Variants in PRDX3 observed in about 807,000 individuals in gnomAD.
PRDX3 encodes the protein peroxiredoxin 3, also known as thioredoxin-dependent peroxide reductase, mitochondrial.
In PRDX3, 20 loss-of-function variants were observed where a neutral mutation model predicts 30.4. That is an observed-to-expected ratio of 0.66 (90% CI 0.46 to 0.96). The LOEUF (loss-of-function observed/expected upper bound fraction) is 0.96. PRDX3 is among the 40% of genes least tolerant of loss of function. The pLI is 0.00. For synonymous variants in PRDX3, 124 were observed against 117.8 expected, an observed-to-expected ratio of 1.05 and a Z score of -0.34; for missense variants, 322 against 318.3, an observed-to-expected ratio of 1.01 and a Z score of -0.09.
At chr10:119,178,030 G>T (rs191580927) in intron 1 of PRDX3, among the ~76,000 whole-genome samples, 393 of 151,642 alleles carry the variant, frequency 2.6e-3, no homozygotes, top group African/African-American at 9.1e-3. Flanking sequence ...ACCATGCCCG[G>T]CTATTTTTTT....
intron 1 of PRDX3, 57 bp downstream of exon 1, chr10:119,178,698 G>A: frequency 6.5e-7 from 1 of 1,544,174 alleles, no homozygotes; most frequent in Non-Finnish European, 8.8e-7. Flanking sequence ...TGTCTGAGAA[G>A]CACGTTCCCG....
At chr10:119,170,314 T>C (rs1344784859) in intron 5 of PRDX3, 3 of 152,202 alleles carry the variant, frequency 2.0e-5, no homozygotes, top group African/African-American at 7.2e-5. Context: ...GAGGTGAAAC[T>C]GTTCCCAGAG....
At chr10:119,173,535 G>A (rs1847959509) in intron 4 of PRDX3, among the ~76,000 whole-genome samples, 1 of 152,006 alleles carries the variant, frequency 6.6e-6, no homozygotes, top group African/African-American at 2.4e-5. Flanking sequence ...CTTGAACCCA[G>A]GTGGCGGAGG....
chr10:119,168,666 G>A, intron 6 of PRDX3, 133 bp from the exon 7 acceptor site: 1 of 1,464,288 alleles, frequency 6.8e-7, no homozygotes, highest in Non-Finnish European at 9.0e-7. Context: ...ACATAAAGAT[G>A]AAAGTTTCAT....
chr10:119,176,882 G>T, intron 2 of PRDX3, 139 bp downstream of exon 2: 1 of 982,084 alleles, frequency 1.0e-6, no homozygotes, highest in Non-Finnish European at 1.5e-6. Context: ...ACTTGTCTGG[G>T]GTGGGACGGG....
chr10:119,174,260 C>G (rs951347088), intron 3 of PRDX3, among the ~76,000 whole-genome samples, 191 bp downstream of exon 3: 1 of 152,190 alleles, frequency 6.6e-6, no homozygotes, highest in African/African-American at 2.4e-5. Flanking sequence ...GCTGTCCTAC[C>G]CCACCCCCGA....
rs1300632261 is a variant in PRDX3 at position 119,173,801 on chromosome 10, T to C, written c.383A>G (p.Glu128Gly). Residue 128 changes from glutamate to glycine, a missense_variant, in exon 4 of 7, where the codon GAA (glutamate) becomes GGA (glycine). By Grantham distance (98) the Glu-to-Gly change is moderately conservative. Coordinates refer to ENST00000298510, the MANE Select transcript of PRDX3 (RefSeq NM_006793.5). ...GGAATCCACTGAGACTGCGACAACT[T>C]CACAGTTCACGTCGTGAAATTCGTT... Reference protein sequence around the residue: ...KANEFHDVNCEVVAVSVDSHF... With the variant: ...KANEFHDVNCGVVAVSVDSHF... 1 of 1,612,858 alleles carries C rather than the reference T, an allele frequency of 6.2e-7. No individual in the cohort carries two copies. The highest frequency in any genetic ancestry group is 1.7e-5 in the Admixed American group (1 of 59,990).
chr10:119,168,305 C>T lies in PRDX3; in HGVS notation c.*175G>A. On this transcript the variant is annotated 3_prime_UTR_variant, in exon 7 of 7. Coordinates refer to ENST00000298510, the MANE Select transcript of PRDX3 (RefSeq NM_006793.5). ...AGGATTCCTTGTACTAGCAACTAAC[C>T]ATGTTTAAAAGGTCTTAGCCAGAAT... 7.6e-7 allele frequency: 1 copy of T among 1,307,200 alleles called. No homozygotes were observed. The highest frequency in any genetic ancestry group is 1.0e-6 in the Non-Finnish European group (1 of 988,550). 81.0% of individuals were successfully genotyped at this position (1,307,200 alleles called of 1,614,324 possible).
chr10:119,172,123 A>G (rs1847920770), intron 5 of PRDX3, among the ~76,000 whole-genome samples: 2 of 152,228 alleles, frequency 1.3e-5, no homozygotes, highest in Non-Finnish European at 2.9e-5. Flanking sequence ...AGGATTGATT[A>G]TTATAAATTT....
intron 1 of PRDX3, among the ~76,000 whole-genome samples, chr10:119,177,578 G>C (rs1005929336): frequency 2.0e-5 from 3 of 149,228 alleles, no homozygotes; most frequent in African/African-American, 7.5e-5. Context: ...AGAATTGCTT[G>C]AACCCGGGAG....
intron 5 of PRDX3, among the ~76,000 whole-genome samples, chr10:119,171,809 A>C (rs1847914375): frequency 6.6e-6 from 1 of 152,222 alleles, no homozygotes; most frequent in Non-Finnish European, 1.5e-5. Context: ...AAAAAAAAGA[A>C]AAACTCAAAC....
At chr10:119,177,741 C>T (rs1848073621) in intron 1 of PRDX3, among the ~76,000 whole-genome samples, 1 of 151,852 alleles carries the variant, frequency 6.6e-6, no homozygotes, top group African/African-American at 2.4e-5. Context: ...TTTCCCAGCA[C>T]TATCTGCTGA....
intron 3 of PRDX3, 25 bp downstream of exon 3, chr10:119,174,426 A>C: frequency 6.3e-7 from 1 of 1,585,624 alleles, no homozygotes; most frequent in South Asian, 1.2e-5. Flanking sequence ...GAATGACACG[A>C]AAGCATCATA....
intron 5 of PRDX3, among the ~76,000 whole-genome samples, chr10:119,171,846 A>G (rs923407610): frequency 1.3e-5 from 2 of 152,236 alleles, no homozygotes; most frequent in Non-Finnish European, 2.9e-5. Flanking sequence ...CCAGGGCTGA[A>G]GATGGTCACC....
intron 2 of PRDX3, 97 bp downstream of exon 2, chr10:119,176,924 G>C: frequency 6.8e-7 from 1 of 1,473,282 alleles, no homozygotes. Context: ...GCTCCCAGGT[G>C]ACTCTAACGT....
intron 2 of PRDX3, 27 bp from the exon 3 acceptor site, chr10:119,174,619 A>C: frequency 1.3e-6 from 2 of 1,547,040 alleles, no homozygotes; most frequent in Non-Finnish European, 1.7e-6. Flanking sequence ...ACTCATATGG[A>C]GTTCATCATT....
chr10:119,173,094 AC>A (rs1343829573), intron 4 of PRDX3, among the ~76,000 whole-genome samples: 1 of 151,814 alleles, frequency 6.6e-6, no homozygotes, highest in East Asian at 1.9e-4. Context: ...GCCCACCACC[AC>A]ACTTGGCTAA....
chr10:119,178,803 C>T lies in PRDX3; in HGVS notation c.-13G>A. ...CAGCAGCCGCCATCTTCAGTGCACT[C>T]GGGCGCCACGGGGCGGGCAGAGACG... On this transcript the variant is annotated 5_prime_UTR_variant, in exon 1 of 7. Coordinates refer to ENST00000298510, the MANE Select transcript of PRDX3 (RefSeq NM_006793.5). 6.5e-7 allele frequency: 1 copy of T among 1,528,876 alleles called. No homozygotes were observed. The allele number at this position is 1,528,876 out of a possible 1,614,324, so 94.7% of individuals were successfully genotyped here. A position where few individuals can be genotyped will look rare whatever the true frequency, so the allele number is the denominator to read the frequency against.
chr10:119,178,548 A>T (rs551689079), intron 1 of PRDX3, among the ~76,000 whole-genome samples: 1 of 152,308 alleles, frequency 6.6e-6, no homozygotes, highest in East Asian at 1.9e-4. Flanking sequence ...GACTCGGGGA[A>T]GAGACCGCGA....
Sources: allele counts gnomAD v4.1 joint callset (sites outside exome capture counted in the v4.1 genomes callset), GRCh38; gene constraint gnomAD v4.1.1; transcripts MANE v1.5; gene names NCBI Gene and HGNC (gene_info 2026-07-23, HGNC 2026-07-21).